The following IGF2BP1 variants were observed in gnomAD, a reference collection of about 807,000 sequenced individuals.
IGF2BP1 encodes the protein insulin like growth factor 2 mRNA binding protein 1.
A neutral mutation model predicts 74.9 loss-of-function variants in IGF2BP1; 11 were observed. The ratio of observed to expected loss-of-function variants is 0.15; its 90% CI spans 0.09 to 0.24. The LOEUF is 0.24. Ranked by LOEUF, IGF2BP1 falls within the 10% of genes least tolerant of loss-of-function variation. IGF2BP1 has a pLI of 1.00. For synonymous variants in IGF2BP1, 287 were observed against 281.8 expected (o/e 1.02, Z -0.18); for missense variants, 440 against 757.4 (o/e 0.58, Z 4.92).
intron 2 of IGF2BP1, among the ~76,000 whole-genome samples, chr17:49,011,052 C>T (rs1408754446): frequency 2.9e-5 from 4 of 138,304 alleles, no homozygotes; most frequent in African/African-American, 8.0e-5. Context: ...GCAGGAGAAT[C>T]GCTTGAACCC....
At chr17:49,031,545 C>T (rs1003178863) in intron 4 of IGF2BP1, among the ~76,000 whole-genome samples, 10 of 149,826 alleles carry the variant, frequency 6.7e-5, no homozygotes, top group African/African-American at 2.2e-4. Flanking sequence ...TGCCCAGGTT[C>T]GGAGTGCAGT....
chr17:49,019,374 A>G (rs1009701852), intron 2 of IGF2BP1, among the ~76,000 whole-genome samples: 2 of 152,212 alleles, frequency 1.3e-5, no homozygotes, highest in Non-Finnish European at 2.9e-5. Context: ...GAACACCAAT[A>G]GGAAAATTTC....
chr17:49,011,904 ATTTT>A (rs68074534), intron 2 of IGF2BP1, among the ~76,000 whole-genome samples: 7 of 124,634 alleles, frequency 5.6e-5, no homozygotes, highest in Admixed American at 4.3e-4. Context: ...AAGAAAATTG[ATTTT>A]TTTTTTTTTT....
At chr17:49,020,088 A>G (rs566550383) in intron 2 of IGF2BP1, among the ~76,000 whole-genome samples, 4 of 135,996 alleles carry the variant, frequency 2.9e-5, no homozygotes, top group East Asian at 4.5e-4. Context: ...GAGTCATGCT[A>G]TGTCACCCAG....
chr17:49,014,086 G>T (rs950459404), intron 2 of IGF2BP1: 1 of 152,194 alleles, frequency 6.6e-6, no homozygotes, highest in Non-Finnish European at 1.5e-5. Flanking sequence ...GGGACAGCCC[G>T]CCCCTCAGCT....
chr17:49,011,555 T>C (rs1008494720), intron 2 of IGF2BP1, among the ~76,000 whole-genome samples: 1 of 152,100 alleles, frequency 6.6e-6, no homozygotes, highest in African/African-American at 2.4e-5. Flanking sequence ...ATTTCCAAAG[T>C]TGAGCTCTCT....
chr17:49,043,035 T>A (rs2042069444), intron 9 of IGF2BP1, among the ~76,000 whole-genome samples: 1 of 152,126 alleles, frequency 6.6e-6, no homozygotes, highest in Admixed American at 6.5e-5. Flanking sequence ...CAAAAATGTT[T>A]AGAATCAGAG....
rs201773755 is a variant in IGF2BP1, at chr17:49,025,604, C to G, written c.237-14C>G. ...TCAGAGCTTTCTTTAACTCTGCTCC[C>G]CCTTTACTTTCAGGAGCCGGAAAAT... On this transcript the variant is annotated splice_polypyrimidine_tract_variant and intron_variant, in intron 2 of 14. Coordinates refer to ENST00000290341, the MANE Select transcript of IGF2BP1 (RefSeq NM_006546.4). The G allele has an allele frequency of 9.3e-6, 15 of 1,611,624 alleles. No individual in the cohort carries two copies. Among genetic ancestry groups the G allele is most frequent in the African/African-American group, 1.3e-5 (1 of 74,810 alleles).
chr17:49,011,163 A>AAAC (rs2041615193), intron 2 of IGF2BP1, among the ~76,000 whole-genome samples: 2 of 144,636 alleles, frequency 1.4e-5, no homozygotes, highest in South Asian at 2.2e-4. Context: ...AAAAAAAAAA[A>AAAC]AAAACAAACC....
chr17:49,024,942 T>C (rs2041833536), intron 2 of IGF2BP1, among the ~76,000 whole-genome samples: 1 of 152,162 alleles, frequency 6.6e-6, no homozygotes, highest in Non-Finnish European at 1.5e-5. Flanking sequence ...CTGTAATCCC[T>C]GCATTTTGGG....
chr17:49,028,189 C>T (rs1377828218), intron 4 of IGF2BP1, among the ~76,000 whole-genome samples: 1 of 152,050 alleles, frequency 6.6e-6, no homozygotes, highest in Non-Finnish European at 1.5e-5. Flanking sequence ...TAAGTTTTGT[C>T]CATTTAGTAA....
intron 2 of IGF2BP1, among the ~76,000 whole-genome samples, chr17:49,009,815 C>T (rs1291041429): frequency 2.6e-5 from 4 of 152,026 alleles, no homozygotes; most frequent in Admixed American, 6.6e-5. Flanking sequence ...CGCGGTTGCT[C>T]ACACCTGTAA....
intron 2 of IGF2BP1, chr17:49,014,829 T>C (rs1055425298): frequency 2.0e-6 from 2 of 985,250 alleles, no homozygotes; most frequent in Non-Finnish European, 1.2e-6. Context: ...GTCCTTCTCA[T>C]GGTGCGGTGG....
intron 2 of IGF2BP1, among the ~76,000 whole-genome samples, chr17:49,022,616 C>G (rs1173292849): frequency 1.3e-5 from 2 of 152,134 alleles, no homozygotes; most frequent in African/African-American, 4.8e-5. Flanking sequence ...CTCCCCCTCC[C>G]TCTCCTGGAA....
At chr17:49,031,849 GA>G in intron 4 of IGF2BP1, 60 bp from the exon 5 acceptor site, 1 of 1,431,168 alleles carries the variant, frequency 7.0e-7, no homozygotes, top group Non-Finnish European at 9.8e-7. Flanking sequence ...TGGAGTTGGG[GA>G]TTCATTGATT....
intron 2 of IGF2BP1, among the ~76,000 whole-genome samples, chr17:49,014,259 T>C (rs1426189437): frequency 1.9e-5 from 1 of 52,308 alleles, no homozygotes; most frequent in Non-Finnish European, 3.7e-5. Flanking sequence ...CCCGTCCCCA[T>C]CTGTCTCCCC....
At chr17:49,019,946 A>ATATATT (rs2041765794) in intron 2 of IGF2BP1, among the ~76,000 whole-genome samples, 1 of 42,302 alleles carries the variant, frequency 2.4e-5, no homozygotes, top group South Asian at 5.2e-4. Flanking sequence ...ATATATATAT[A>ATATATT]TATTTATATA....
In IGF2BP1 at chr17:49,043,504, C is replaced by T. The variant is rs748846744; in HGVS notation, c.1154C>T (p.Pro385Leu). The T allele has an allele frequency of 1.4e-5, 22 of 1,613,994 alleles. No individual in the cohort carries two copies. Among genetic ancestry groups the T allele is most frequent in the African/African-American group, 4.0e-5 (3 of 74,922 alleles). Reference sequence around the variant, plus strand: ...CCAGCTTCATCCAGCGCAGTCCCGCCGCCTCCCAGCAGCGTTACTGGGGCT... The same window carrying T: ...CCAGCTTCATCCAGCGCAGTCCCGCTGCCTCCCAGCAGCGTTACTGGGGCT... The part of the protein sequence containing the change: ...LFPASSSAVP[P>L]PPSSVTGAAP... The change falls in exon 10 of 15, where the codon CCG becomes CTG. Residue 385 changes from proline to leucine, a missense_variant. Pro to Leu is a moderately conservative substitution (Grantham distance 98, BLOSUM62 -3). Around this residue, in one of 5 missense-constraint regions of IGF2BP1, gnomAD observed 31 missense variants for 27.0 expected, o/e 1.15. Transcript: ENST00000290341.
intron 4 of IGF2BP1, among the ~76,000 whole-genome samples, chr17:49,026,719 G>GCCTGCCTT (rs1156803278): frequency 1.9e-5 from 2 of 106,486 alleles, no homozygotes; most frequent in African/African-American, 7.4e-5. Context: ...CTGCCTTCCT[G>GCCTGCCTT]CCTGCCTTCC....
Sources: allele counts gnomAD v4.1 joint callset (sites outside exome capture counted in the v4.1 genomes callset), GRCh38; gene constraint gnomAD v4.1.1; regional missense constraint gnomAD v4.1.1; transcripts MANE v1.5; gene names NCBI Gene and HGNC (gene_info 2026-07-23, HGNC 2026-07-21).